SPHKAP: variants seen among roughly 807,000 people sequenced by gnomAD.
SPHKAP encodes the protein SPHK1 interactor, AKAP domain containing, also known as A-kinase anchor protein SPHKAP.
Under a neutral mutation model 137.5 loss-of-function variants are expected in SPHKAP, and 67 were observed. The ratio of observed to expected loss-of-function variants is 0.49; its 90% CI spans 0.40 to 0.60. The LOEUF (loss-of-function observed/expected upper bound fraction) is 0.60. Ranked by LOEUF, SPHKAP falls within the 20% of genes least tolerant of loss-of-function variation. The probability of loss-of-function intolerance (pLI) is 0.00; values close to 1 mark genes in which losing one functional copy is unlikely to be tolerated. For missense variants in SPHKAP, 2,097 were observed against 2,069.3 expected (o/e 1.01, Z -0.26); for synonymous variants, 813 against 785.3 (o/e 1.04, Z -0.59).
chr2:228,128,525 T>A (rs893392279), intron 2 of SPHKAP, among the ~76,000 whole-genome samples: 1 of 152,206 alleles, frequency 6.6e-6, no homozygotes, highest in Non-Finnish European at 1.5e-5. Flanking sequence ...TTTGACCTTC[T>A]TCCATGAACC....
chr2:228,148,071 TACTA>T (rs1369846639), intron 1 of SPHKAP, among the ~76,000 whole-genome samples: 1 of 152,192 alleles, frequency 6.6e-6, no homozygotes, highest in Non-Finnish European at 1.5e-5. Flanking sequence ...TTTTGTCCCA[TACTA>T]ACTGTCTTTA....
At chr2:228,173,060 C>G (rs1700632701) in intron 1 of SPHKAP, 1 of 985,274 alleles carries the variant, frequency 1.0e-6, no homozygotes, top group Admixed American at 6.1e-5. Context: ...TTTCCAGGTC[C>G]ATCCTGATCT....
chr2:228,046,304 T>TC (rs1248257539), intron 3 of SPHKAP, among the ~76,000 whole-genome samples: 1 of 148,952 alleles, frequency 6.7e-6, no homozygotes, highest in Admixed American at 6.7e-5. Context: ...TTTTTTTTTT[T>TC]TTTTTTTTGG....
chr2:227,987,880 T>A (rs1043817935), intron 11 of SPHKAP, among the ~76,000 whole-genome samples: 12 of 152,188 alleles, frequency 7.9e-5, no homozygotes, highest in African/African-American at 2.9e-4. Context: ...AATTTTAGGA[T>A]TCACACAAAT....
At chr2:228,115,886 G>A (rs1698694652) in intron 2 of SPHKAP, among the ~76,000 whole-genome samples, 1 of 152,138 alleles carries the variant, frequency 6.6e-6, no homozygotes, top group African/African-American at 2.4e-5. Context: ...AAGAGGTAAG[G>A]CCTTTGGGAG....
At chr2:227,988,775 G>C (rs1488037593) in intron 11 of SPHKAP, among the ~76,000 whole-genome samples, 1 of 152,140 alleles carries the variant, frequency 6.6e-6, no homozygotes, top group Non-Finnish European at 1.5e-5. Flanking sequence ...ACAGTGTATG[G>C]CATGGGGGTA....
chr2:227,994,172 C>T (rs1693534088), intron 8 of SPHKAP: 2 of 631,640 alleles, frequency 3.2e-6, no homozygotes, highest in African/African-American at 2.0e-5. Context: ...ACTACAGAAC[C>T]ATAAGTACAA....
intron 1 of SPHKAP, among the ~76,000 whole-genome samples, chr2:228,134,542 C>T (rs1037553136): frequency 2.0e-5 from 3 of 152,194 alleles, no homozygotes; most frequent in African/African-American, 4.8e-5. Context: ...CTTACCCAAG[C>T]GTGGACATCT....
Position 228,059,296 on chromosome 2 carries a change from T to C in SPHKAP, c.247-31753A>G, listed in dbSNP as rs546263767. 5.3e-5 allele frequency among the ~76,000 whole-genome samples: 8 copies of C among 152,346 alleles called. No individual in the cohort carries two copies. In the East Asian group the frequency reaches 1.3e-3, roughly 26 times the overall value. On this transcript the variant is annotated intron_variant, in intron 3 of 11. Coordinates refer to ENST00000392056, the MANE Select transcript of SPHKAP (RefSeq NM_001142644.2). Reference sequence around the variant, plus strand: ...TGCTGGGTTGTGTGCTAAGTACATATTCAACTTCTAAGAAGTTACCAAACC... The same window carrying C: ...TGCTGGGTTGTGTGCTAAGTACATACTCAACTTCTAAGAAGTTACCAAACC...
At chr2:228,093,859 C>CAAAAAAAAAAAAAAAAAAAA (rs11336381) in intron 3 of SPHKAP, among the ~76,000 whole-genome samples, 1 of 77,112 alleles carries the variant, frequency 1.3e-5, no homozygotes, top group African/African-American at 5.1e-5. Flanking sequence ...GACTCCGTTT[C>CAAAAAAAAAAAAAAAAAAAA]AAAAAAAAAA....
intron 7 of SPHKAP, among the ~76,000 whole-genome samples, chr2:228,011,968 C>G (rs1694389712): frequency 6.6e-6 from 1 of 151,782 alleles, no homozygotes; most frequent in Admixed American, 6.6e-5. Flanking sequence ...GAGTCTGAGA[C>G]CAGCCTGGGC....
At chr2:228,061,736 T>TACACACACACACAC (rs1553536205) in intron 3 of SPHKAP, among the ~76,000 whole-genome samples, 18 of 151,602 alleles carry the variant, frequency 1.2e-4, no homozygotes, top group African/African-American at 4.1e-4. Context: ...AATATATATA[T>TACACACACACACAC]ACACACACAC....
chr2:228,092,725 C>A (rs1697845586), intron 3 of SPHKAP, among the ~76,000 whole-genome samples: 1 of 150,250 alleles, frequency 6.7e-6, no homozygotes, highest in Admixed American at 6.7e-5. Flanking sequence ...CACTACTCAG[C>A]CATAAAAAGA....
intron 7 of SPHKAP, among the ~76,000 whole-genome samples, chr2:227,998,163 T>C (rs1277667581): frequency 6.6e-6 from 1 of 152,130 alleles, no homozygotes; most frequent in Non-Finnish European, 1.5e-5. Flanking sequence ...TGTGTCACCA[T>C]GCCTGGCTAA....
In SPHKAP at chr2:228,018,997, C is replaced by G. The variant is rs1694726371; in HGVS notation, c.1857G>C (p.Leu619Phe). The G allele has an allele frequency of 1.2e-6, 2 of 1,614,008 alleles. No homozygotes were observed. The highest frequency in any genetic ancestry group is 1.7e-6 in the Non-Finnish European group (2 of 1,179,938). ...TTAAAACCAGAGCAGCCTCCTTGAGCAATCCCTTGGCAATGGCTTCCTTGC... is the reference window on the plus strand; with the variant it reads ...TTAAAACCAGAGCAGCCTCCTTGAGGAATCCCTTGGCAATGGCTTCCTTGC... ...ELGKEAIAKG[L>F]LKEAALVLTR... Residue 619 changes from leucine (L) to phenylalanine (F), a missense_variant, in exon 7 of 12, where the codon TTG becomes TTC. By Grantham distance (22) the Leu-to-Phe change is conservative. Transcript: ENST00000392056.
intron 8 of SPHKAP, among the ~76,000 whole-genome samples, chr2:227,993,837 C>A (rs10173136): frequency 0.76 from 114,874 of 152,000 alleles, 43,793 homozygotes; most frequent in African/African-American, 0.82. Flanking sequence ...AATAATACTA[C>A]TAATAATTTG....
chr2:228,028,303 T>C (rs1468065418), intron 3 of SPHKAP, among the ~76,000 whole-genome samples: 1 of 152,258 alleles, frequency 6.6e-6, no homozygotes, highest in Non-Finnish European at 1.5e-5. Flanking sequence ...ATGTAGTGCA[T>C]AATAAGCCAG....
intron 1 of SPHKAP, among the ~76,000 whole-genome samples, chr2:228,140,010 C>G (rs1477260884): frequency 2.0e-5 from 3 of 150,176 alleles, no homozygotes; most frequent in African/African-American, 4.9e-5. Context: ...AGTGGCATGA[C>G]CTCAGCTCAC....
intron 4 of SPHKAP, among the ~76,000 whole-genome samples, chr2:228,026,317 T>C (rs1695033906): frequency 6.6e-6 from 1 of 152,224 alleles, no homozygotes; most frequent in African/African-American, 2.4e-5. Context: ...ATAATAATTA[T>C]AATAAAATTG....
Sources: allele counts gnomAD v4.1 joint callset (sites outside exome capture counted in the v4.1 genomes callset), GRCh38; gene constraint gnomAD v4.1.1; transcripts MANE v1.5; gene names NCBI Gene and HGNC (gene_info 2026-07-23, HGNC 2026-07-21).